NUPR2: variants seen among roughly 807,000 people sequenced by gnomAD.
The protein encoded by NUPR2 is nuclear protein 2.
NUPR2 carries 14 observed loss-of-function variants against 7.3 expected under a neutral mutation model. That is an observed-to-expected ratio of 1.93 (90% CI 1.27 to 3.01). The LOEUF is 3.01. Among genes scored for constraint, NUPR2 ranks in the 30% most tolerant of loss-of-function variants. NUPR2 has a pLI of 0.00. For missense variants in NUPR2, 162 were observed against 143.7 expected (o/e 1.13, Z -0.65); for synonymous variants, 56 against 59.7 (o/e 0.94, Z 0.29).
rs1562891874 is a variant in NUPR2, at chr7:56,115,430, TG to T, written c.*7-534del. On this transcript the variant is annotated intron_variant, in intron 1 of 1. Coordinates refer to ENST00000329309, the MANE Select transcript of NUPR2 (RefSeq NM_001145712.2). ...ATATATATATATATATATATATATT[TG>T]TGTGTGTGTGTGTGTGTGTGTGTGT... Among the ~76,000 whole-genome samples the T allele has an allele frequency of 1.1e-3, 20 of 18,240 alleles. 1 individual carries two copies. The highest frequency in any genetic ancestry group is 1.6e-3 in the Non-Finnish European group (17 of 10,506). 12.0% of individuals were successfully genotyped at this position (18,240 alleles called of 152,430 possible). A position where few individuals can be genotyped will look rare whatever the true frequency, so the allele number is the denominator to read the frequency against.
rs958655617 is a variant in NUPR2, at chr7:56,116,032, G to A, written c.283C>T (p.Arg95Cys). The change falls in exon 1 of 2, where the codon CGC (arginine) becomes TGC (cysteine). Residue 95 changes from arginine (R) to cysteine (C), a missense_variant. Arg to Cys is a radical substitution (Grantham distance 180). Transcript: ENST00000329309. ...QRQLHPKMRT[R>C]LT The stretch of plus-strand genomic sequence containing the variant: ...GCACGTACCCAGGCTCAGGTGAGGC[G>A]AGTGCGCATCTTGGGATGCAGCTGG... 5 of 1,484,606 alleles carry A rather than the reference G, an allele frequency of 3.4e-6. No homozygotes were observed. The African/African-American group carries it at 4.3e-5, about 13-fold the overall frequency. 92.0% of individuals were successfully genotyped at this position (1,484,606 alleles called of 1,614,324 possible). A position where few individuals can be genotyped will look rare whatever the true frequency, so the allele number is the denominator to read the frequency against.
At position 56,116,391 on chromosome 7, in the gene NUPR2, G is replaced by T. The variant is rs912619062; in HGVS notation, c.-77C>A. 20 of 816,880 alleles carry T rather than the reference G, an allele frequency of 2.4e-5. No individual in the cohort carries two copies. The African/African-American group carries it at 3.1e-4, about 13-fold the overall frequency. The allele number at this position is 816,880 out of a possible 1,614,324, so 50.6% of individuals were successfully genotyped here. A position where few individuals can be genotyped will look rare whatever the true frequency, so the allele number is the denominator to read the frequency against. On this transcript the variant is annotated 5_prime_UTR_variant, in exon 1 of 2. Coordinates refer to ENST00000329309, the MANE Select transcript of NUPR2 (RefSeq NM_001145712.2). ...CTGGAAGACCCAGCAGCCCCGCCTC[G>T]AGTTCCGATGGGCTCCGCGTGAAGG...
In NUPR2 at chr7:56,116,415, G is replaced by T; in HGVS notation, c.-101C>A. The T allele has an allele frequency of 1.5e-6, 1 of 645,236 alleles. No homozygotes were observed. The highest frequency in any genetic ancestry group is 2.4e-6 in the Non-Finnish European group (1 of 423,358). 40.0% of individuals were successfully genotyped at this position (645,236 alleles called of 1,614,324 possible). A position where few individuals can be genotyped will look rare whatever the true frequency, so the allele number is the denominator to read the frequency against. On this transcript the variant is annotated 5_prime_UTR_variant, in exon 1 of 2. Coordinates refer to ENST00000329309, the MANE Select transcript of NUPR2 (RefSeq NM_001145712.2). ...CGAGTTCCGATGGGCTCCGCGTGAA[G>T]GTGGGGGTGCCTTCGGCGACGCCAC...
rs1483984948 is a variant in NUPR2, at chr7:56,116,024, G to A, written c.291C>T (p.Thr97=). The change falls in exon 1 of 2, where the codon ACC becomes ACT. Residue 97 remains threonine (T), a synonymous_variant. Transcript: ENST00000329309. ...TGTTGGGCGCACGTACCCAGGCTCA[G>A]GTGAGGCGAGTGCGCATCTTGGGAT... ...QLHPKMRTRL[T] 8 of 1,476,608 alleles carry A rather than the reference G, an allele frequency of 5.4e-6. No individual in the cohort carries two copies. Among genetic ancestry groups the A allele is most frequent in the Non-Finnish European group, 9.0e-7 (1 of 1,116,180 alleles). The allele number at this position is 1,476,608 out of a possible 1,614,324, so 91.5% of individuals were successfully genotyped here. A position where few individuals can be genotyped will look rare whatever the true frequency, so the allele number is the denominator to read the frequency against.
chr7:56,115,412 T>TACACAC (rs1562891770), intron 1 of NUPR2, among the ~76,000 whole-genome samples: 2 of 41,070 alleles, frequency 4.9e-5, no homozygotes, highest in Non-Finnish European at 8.2e-5. Flanking sequence ...TATATATATA[T>TACACAC]ATATATATAT....
chr7:56,116,116 C>G lies in NUPR2; in HGVS notation c.199G>C (p.Gly67Arg), dbSNP rs1584650783. 6 of 1,541,592 alleles carry G rather than the reference C, an allele frequency of 3.9e-6. No homozygotes were observed. Among genetic ancestry groups the G allele is most frequent in the Admixed American group, 4.0e-5 (2 of 50,496 alleles). ...TTCTGCGCGACCTTGCGCTCGTGCC[C>G]GCCAGGTGCAGGCCAGTTGGTGCGC... The part of the protein sequence containing the change: ...ALRTNWPAPG[G>R]HERKVAQKLL... Residue 67 changes from glycine (G) to arginine (R), a missense_variant, in exon 1 of 2, where the codon GGG becomes CGG. Transcript: ENST00000329309.
intron 1 of NUPR2, among the ~76,000 whole-genome samples, chr7:56,115,413 A>ACATATATATGTATATATACATATG (rs1285875592): frequency 2.2e-5 from 1 of 46,368 alleles, no homozygotes; most frequent in Non-Finnish European, 3.6e-5. Context: ...ATATATATAT[A>ACATATATATGTATATATACATATG]TATATATATA....
chr7:56,115,215 T>G (rs1458468565), intron 1 of NUPR2, among the ~76,000 whole-genome samples: 1 of 151,328 alleles, frequency 6.6e-6, no homozygotes, highest in Non-Finnish European at 1.5e-5. Context: ...GAATTACAGA[T>G]CTGAGCCACC....
chr7:56,115,957 G>C, intron 1 of NUPR2, 58 bp downstream of exon 1: 1 of 1,338,392 alleles, frequency 7.5e-7, no homozygotes, highest in Non-Finnish European at 9.7e-7. Flanking sequence ...CCGCGCCGTG[G>C]GGGGACGCTC....
At chr7:56,115,989 T>A (rs1584650678) in intron 1 of NUPR2, 26 bp downstream of exon 1, 1 of 1,430,266 alleles carries the variant, frequency 7.0e-7, no homozygotes, top group Non-Finnish European at 9.1e-7. Flanking sequence ...GGGGCACTGG[T>A]TGGGGGAGGT....
At chr7:56,115,625 T>TA (rs1310935505) in intron 1 of NUPR2, among the ~76,000 whole-genome samples, 2 of 105,228 alleles carry the variant, frequency 1.9e-5, no homozygotes, top group Non-Finnish European at 3.8e-5. Flanking sequence ...CTGGCTAATT[T>TA]TATATATATA....
At chr7:56,115,428 T>TATATATATATATATATA (rs58684972) in intron 1 of NUPR2, among the ~76,000 whole-genome samples, 4 of 45,924 alleles carry the variant, frequency 8.7e-5, no homozygotes, top group Non-Finnish European at 1.6e-4. Flanking sequence ...TATATATATA[T>TATATATATATATATATA]TTGTGTGTGT....
chr7:56,115,183 G>A (rs758398442), intron 1 of NUPR2, among the ~76,000 whole-genome samples: 40 of 151,852 alleles, frequency 2.6e-4, no homozygotes, highest in Admixed American at 1.1e-3. Flanking sequence ...TGATACGTCT[G>A]CCTGGGCCTC....
In NUPR2 at chr7:56,115,443, G is replaced by T. The variant is rs1180317555; in HGVS notation, c.*7-546C>A. Among the ~76,000 whole-genome samples, 28 of 35,372 alleles carry T rather than the reference G, an allele frequency of 7.9e-4. 5 individuals are homozygous for T. Among genetic ancestry groups the T allele is most frequent in the African/African-American group, 3.5e-3 (23 of 6,570 alleles). 23.2% of individuals were successfully genotyped at this position (35,372 alleles called of 152,430 possible). A position where few individuals can be genotyped will look rare whatever the true frequency, so the allele number is the denominator to read the frequency against. On this transcript the variant is annotated intron_variant, in intron 1 of 1. Coordinates refer to ENST00000329309, the MANE Select transcript of NUPR2 (RefSeq NM_001145712.2). ...TATATATATATTTGTGTGTGTGTGTGTGTGTGTGTGTGTGTGTGTGTGTGT... is the reference window on the plus strand; with the variant it reads ...TATATATATATTTGTGTGTGTGTGTTTGTGTGTGTGTGTGTGTGTGTGTGT...
rs1208032601 is a variant in NUPR2 at position 56,116,026 on chromosome 7, T to C, written c.289A>G (p.Thr97Ala). The part of the protein sequence containing the change: ...QLHPKMRTRL[T>A] ...TTGGGCGCACGTACCCAGGCTCAGG[T>C]GAGGCGAGTGCGCATCTTGGGATGC... The change falls in exon 1 of 2, where the codon ACC (threonine) becomes GCC (alanine). Residue 97 changes from threonine to alanine, a missense_variant. Physicochemically the swap from Thr to Ala is moderately conservative, Grantham distance 58 (BLOSUM62 0). Transcript: ENST00000329309. 7.4e-6 allele frequency: 11 copies of C among 1,477,090 alleles called. No individual in the cohort carries two copies. In the South Asian group the frequency reaches 1.5e-4, roughly 20 times the overall value. The allele number at this position is 1,477,090 out of a possible 1,614,324, so 91.5% of individuals were successfully genotyped here.
At chr7:56,115,278 C>T (rs1785520207) in intron 1 of NUPR2, among the ~76,000 whole-genome samples, 1 of 148,828 alleles carries the variant, frequency 6.7e-6, no homozygotes, top group African/African-American at 2.5e-5. Flanking sequence ...GGAAGAAAAG[C>T]TCCTACCTGC....
rs1584650937 is a variant in NUPR2 at position 56,116,246 on chromosome 7, G to A, written c.69C>T (p.Ser23=). ...GGCAGTCGTAAAGCTCCTCCTCGTA[G>A]CTTATGGGTGGCGGCGGCCGAGCCA... The part of the protein sequence containing the change: ...QALARPPPPI[S]YEEELYDCLD... Residue 23 remains serine, a synonymous_variant, in exon 1 of 2, where the codon AGC becomes AGT. Coordinates refer to ENST00000329309, the MANE Select transcript of NUPR2 (RefSeq NM_001145712.2). 6.5e-7 allele frequency: 1 copy of A among 1,540,994 alleles called. No homozygotes were observed. Among genetic ancestry groups the A allele is most frequent in the Non-Finnish European group, 8.7e-7 (1 of 1,142,912 alleles).
chr7:56,115,543 C>G, intron 1 of NUPR2, among the ~76,000 whole-genome samples: 1 of 140,648 alleles, frequency 7.1e-6, no homozygotes, highest in Non-Finnish European at 1.5e-5. Context: ...GCAACCTCCC[C>G]CTCCAGGGTT....
At position 56,116,018 on chromosome 7, in the gene NUPR2, G is replaced by A; in HGVS notation, c.*3C>T. 7 of 1,464,200 alleles carry A rather than the reference G, an allele frequency of 4.8e-6. No individual in the cohort carries two copies. The highest frequency in any genetic ancestry group is 6.3e-6 in the Non-Finnish European group (7 of 1,109,940). 90.7% of individuals were successfully genotyped at this position (1,464,200 alleles called of 1,614,324 possible). A position where few individuals can be genotyped will look rare whatever the true frequency, so the allele number is the denominator to read the frequency against. On this transcript the variant is annotated 3_prime_UTR_variant, in exon 1 of 2. Coordinates refer to ENST00000329309, the MANE Select transcript of NUPR2 (RefSeq NM_001145712.2). ...GGGAGGTGTTGGGCGCACGTACCCA[G>A]GCTCAGGTGAGGCGAGTGCGCATCT...
Sources: gnomAD v4.1 joint callset for allele counts (sites outside exome capture counted in the v4.1 genomes callset) on GRCh38, gnomAD v4.1.1 for gene constraint, MANE v1.5 for transcripts, NCBI Gene and HGNC (gene_info 2026-07-23, HGNC 2026-07-21) for gene names.